The following TASP1 variants were observed in gnomAD, a reference collection of about 807,000 sequenced individuals.
TASP1 encodes taspase 1.
Under a neutral mutation model 56.6 loss-of-function variants are expected in TASP1, and 16 were observed. The observed-to-expected ratio is 0.28, with a 90% CI of 0.19 to 0.43. The LOEUF (loss-of-function observed/expected upper bound fraction) is 0.43, where lower values mean the gene tolerates loss of function less well. Among genes scored for constraint, TASP1 ranks in the 20% least tolerant of loss-of-function variants. The probability of loss-of-function intolerance (pLI) is 1.00; values close to 1 mark genes in which losing one functional copy is unlikely to be tolerated. For synonymous variants in TASP1, 179 were observed against 184.2 expected, an observed-to-expected ratio of 0.97 and a Z score of 0.23; for missense variants, 393 against 511.6, an observed-to-expected ratio of 0.77 and a Z score of 2.24.
chr20:13,384,192 T>C, the TASP1 span, among the ~76,000 whole-genome samples: 4 of 152,344 alleles, frequency 2.6e-5, no homozygotes, highest in Middle Eastern at 0.01. Context: ...TTTGAATTTT[T>C]TTCTTTTAGG....
At chr20:13,348,911 C>G in the TASP1 span, among the ~76,000 whole-genome samples, 1 of 152,202 alleles carries the variant, frequency 6.6e-6, no homozygotes, top group Middle Eastern at 3.2e-3. Flanking sequence ...GCCAGCAACT[C>G]TGACGTGCAA....
chr20:13,192,171 A>T, the TASP1 span, among the ~76,000 whole-genome samples: 3 of 152,228 alleles, frequency 2.0e-5, no homozygotes, highest in African/African-American at 7.2e-5. Context: ...CTGGGAGCAG[A>T]TCTGCCCTGT....
At chr20:13,563,751 C>T (rs1321602275) in intron 7 of TASP1, among the ~76,000 whole-genome samples, 5 of 151,494 alleles carry the variant, frequency 3.3e-5, no homozygotes, top group East Asian at 1.9e-4. Flanking sequence ...GTGATCCTCC[C>T]GCCTCAGCCT....
At chr20:13,197,250 G>A in the TASP1 span, among the ~76,000 whole-genome samples, 1 of 152,216 alleles carries the variant, frequency 6.6e-6, no homozygotes, top group Admixed American at 6.5e-5. Context: ...TCTGGTAAGA[G>A]TGACCAACCC....
chr20:13,135,226 G>T, the TASP1 span, among the ~76,000 whole-genome samples: 1 of 152,178 alleles, frequency 6.6e-6, no homozygotes, highest in Non-Finnish European at 1.5e-5. Flanking sequence ...TCAATTTGAT[G>T]AAAGGAAATC....
At chr20:13,405,280 T>G (rs986862442) in intron 13 of TASP1, among the ~76,000 whole-genome samples, 3 of 152,236 alleles carry the variant, frequency 2.0e-5, no homozygotes, top group Non-Finnish European at 2.9e-5. Context: ...AATGTATACT[T>G]AATTAAAGTT....
At chr20:13,545,567 G>C (rs894695257) in intron 8 of TASP1, among the ~76,000 whole-genome samples, 2 of 152,136 alleles carry the variant, frequency 1.3e-5, no homozygotes, top group South Asian at 4.1e-4. Context: ...TTTATCAACT[G>C]ACATTCCCCC....
the TASP1 span, among the ~76,000 whole-genome samples, chr20:13,211,529 T>G: frequency 2.6e-5 from 4 of 152,180 alleles, no homozygotes; most frequent in African/African-American, 9.7e-5. Context: ...AATTATACCA[T>G]TATTCAATTC....
chr20:13,294,062 G>C, the TASP1 span, among the ~76,000 whole-genome samples: 1 of 152,140 alleles, frequency 6.6e-6, no homozygotes, highest in Non-Finnish European at 1.5e-5. Flanking sequence ...GTGACAAAAT[G>C]AAAAGCTTTA....
chr20:13,498,850 T>C (rs1399738257), intron 10 of TASP1, among the ~76,000 whole-genome samples: 5 of 149,172 alleles, frequency 3.4e-5, no homozygotes, highest in South Asian at 2.1e-4. Flanking sequence ...AGAACACTTA[T>C]ACACTGTTGG....
At chr20:13,468,125 G>A (rs1023841364) in intron 11 of TASP1, among the ~76,000 whole-genome samples, 1 of 152,030 alleles carries the variant, frequency 6.6e-6, no homozygotes, top group Non-Finnish European at 1.5e-5. Flanking sequence ...TACAATTACA[G>A]AATTCCTAAT....
the TASP1 span, among the ~76,000 whole-genome samples, chr20:13,109,277 T>C: frequency 6.6e-6 from 1 of 152,222 alleles, no homozygotes. Context: ...TACATCACCA[T>C]TTCATTTGAG....
chr20:13,446,913 C>A (rs2043433273), intron 11 of TASP1, among the ~76,000 whole-genome samples: 1 of 152,220 alleles, frequency 6.6e-6, no homozygotes, highest in African/African-American at 2.4e-5. Flanking sequence ...GATGTTATCA[C>A]TTCTTTATTT....
At chr20:13,176,605 T>G in the TASP1 span, among the ~76,000 whole-genome samples, 1 of 152,152 alleles carries the variant, frequency 6.6e-6, no homozygotes, top group East Asian at 1.9e-4. Context: ...TTGGATTCAG[T>G]TAGCTAGTAT....
chr20:13,311,216 T>TAGATAGATAGATA, the TASP1 span, among the ~76,000 whole-genome samples: 41 of 133,288 alleles, frequency 3.1e-4, no homozygotes, highest in Middle Eastern at 0.011. Context: ...TATAGATAGA[T>TAGATAGATAGATA]GATAGATAGA....
At chr20:13,354,225 T>G in the TASP1 span, among the ~76,000 whole-genome samples, 1 of 152,070 alleles carries the variant, frequency 6.6e-6, no homozygotes, top group Non-Finnish European at 1.5e-5. Flanking sequence ...ATCTAAAAGA[T>G]TCAAGATCCA....
the TASP1 span, among the ~76,000 whole-genome samples, chr20:13,190,061 A>T: frequency 3.3e-5 from 5 of 152,210 alleles, no homozygotes; most frequent in African/African-American, 7.2e-5. Flanking sequence ...TAGAAAACCA[A>T]ATACTGCACA....
At chr20:13,590,664 G>A (rs1471081959) in intron 4 of TASP1, among the ~76,000 whole-genome samples, 4 of 151,898 alleles carry the variant, frequency 2.6e-5, no homozygotes, top group African/African-American at 4.8e-5. Context: ...TCAGGCATTC[G>A]AGACCAGCCT....
chr20:13,119,153 T>G, the TASP1 span, among the ~76,000 whole-genome samples: 563 of 152,358 alleles, frequency 3.7e-3, 3 homozygotes, highest in African/African-American at 0.013. Context: ...TACATTGCTC[T>G]GTGAGCTTGT....
Sources: allele counts gnomAD v4.1 joint callset (sites outside exome capture counted in the v4.1 genomes callset), GRCh38; gene constraint gnomAD v4.1.1; transcripts MANE v1.5; gene names NCBI Gene and HGNC (gene_info 2026-07-23, HGNC 2026-07-21).